YY1AP1: variants seen among roughly 807,000 people sequenced by gnomAD.
The protein encoded by YY1AP1 is YY1-associated protein 1.
Under a neutral mutation model 39.9 loss-of-function variants are expected in YY1AP1, and 43 were observed. The ratio of observed to expected loss-of-function variants is 1.08; its 90% CI spans 0.84 to 1.39. YY1AP1 has a LOEUF of 1.39. Among genes scored for constraint, YY1AP1 ranks in the 40% most tolerant of loss-of-function variants. The pLI is 0.00. For missense variants in YY1AP1, 813 were observed against 900.7 expected (o/e 0.90, Z 1.25); for synonymous variants, 292 against 331.3 (o/e 0.88, Z 1.29).
At chr1:155,672,816 C>T in intron 6 of YY1AP1, 85 bp from the exon 7 acceptor site, 11 of 1,583,762 alleles carry the variant, frequency 6.9e-6, no homozygotes, top group Non-Finnish European at 7.8e-6. Context: ...GAGAAGCTGA[C>T]CTTCCTACTA....
In YY1AP1 at chr1:155,670,408, C is replaced by T; in HGVS notation, c.640G>A (p.Val214Ile). Residue 214 changes from valine (V) to isoleucine (I), a missense_variant, in exon 8 of 11, where the codon GTT (valine) becomes ATT (isoleucine). Transcript: ENST00000355499. ...GGAAGTAACTCTGGATACATGAAAA[C>T]CTTGCTTGTGGCCAGGATCCAAGCC... ...QVAWILATSK[V>I]FMYPELLPVC... The T allele has an allele frequency of 6.2e-7, 1 of 1,614,122 alleles. No individual in the cohort carries two copies. The highest frequency in any genetic ancestry group is 8.5e-7 in the Non-Finnish European group (1 of 1,180,040).
chr1:155,681,032 A>ATTT (rs751422152), intron 2 of YY1AP1, among the ~76,000 whole-genome samples: 1 of 142,950 alleles, frequency 7.0e-6, no homozygotes, highest in Non-Finnish European at 1.5e-5. Flanking sequence ...GAGCTAGATG[A>ATTT]TTTTTTTTTT....
Position 155,688,732 on chromosome 1 carries a change from CCAACCGCCGCCAAAG to C in YY1AP1, c.-240_-226del, listed in dbSNP as rs1653144536. On this transcript the variant is annotated 5_prime_UTR_variant, in exon 1 of 11. Coordinates refer to ENST00000355499, the MANE Select transcript of YY1AP1 (RefSeq NM_139119.3). ...CCCTCCCTCCCCGCCCGCACGGCCA[CCAACCGCCGCCAAAG>C]CAGCCGCCGCCAGCACCCCCACCCT... The C allele has an allele frequency of 2.6e-6, 4 of 1,518,212 alleles. No homozygotes were observed. Among genetic ancestry groups the C allele is most frequent in the Non-Finnish European group, 3.5e-6 (4 of 1,139,844 alleles). The allele number at this position is 1,518,212 out of a possible 1,614,324, so 94.0% of individuals were successfully genotyped here. A position where few individuals can be genotyped will look rare whatever the true frequency, so the allele number is the denominator to read the frequency against.
chr1:155,676,090 C>T (rs941879681), intron 5 of YY1AP1, among the ~76,000 whole-genome samples: 1 of 152,026 alleles, frequency 6.6e-6, no homozygotes, highest in Non-Finnish European at 1.5e-5. Flanking sequence ...GGTGTGGTGG[C>T]GAGTCCCTGT....
chr1:155,662,217 T>C (rs533591428), intron 9 of YY1AP1, among the ~76,000 whole-genome samples: 1 of 151,858 alleles, frequency 6.6e-6, no homozygotes, highest in South Asian at 2.1e-4. Context: ...TAGGCTGGCC[T>C]TGGTGGCTCA....
chr1:155,672,857 A>G, intron 6 of YY1AP1, 126 bp from the exon 7 acceptor site: 1 of 1,295,868 alleles, frequency 7.7e-7, no homozygotes, highest in Non-Finnish European at 1.1e-6. Flanking sequence ...ATAATCATAA[A>G]GTCTTTCACA....
chr1:155,674,190 A>G (rs948561698), intron 6 of YY1AP1, among the ~76,000 whole-genome samples: 5 of 150,858 alleles, frequency 3.3e-5, no homozygotes, highest in African/African-American at 1.2e-4. Context: ...AAAAAAGCTC[A>G]AAATACCTCA....
Position 155,668,673 on chromosome 1 carries a change from C to G in YY1AP1, c.833G>C (p.Arg278Thr). 1 of 1,614,126 alleles carries G rather than the reference C, an allele frequency of 6.2e-7. No individual in the cohort carries two copies. The highest frequency in any genetic ancestry group is 8.5e-7 in the Non-Finnish European group (1 of 1,180,010). ...TCTGTTCATGTTGAGGTTCTTGATT[C>G]TCACTGTCAGTTGGCGGGCAGTCTT... ...TCKTARQLTV[R>T]IKNLNMNRAP... The change falls in exon 9 of 11, where the codon AGA (arginine) becomes ACA (threonine). Residue 278 changes from arginine to threonine, a missense_variant. Around this residue, in one of 3 missense-constraint regions of YY1AP1, gnomAD observed 586 missense variants for 647.4 expected, o/e 0.91. Coordinates refer to ENST00000355499, the MANE Select transcript of YY1AP1 (RefSeq NM_139119.3).
chr1:155,675,320 T>C (rs989000393), intron 5 of YY1AP1, among the ~76,000 whole-genome samples: 2 of 150,354 alleles, frequency 1.3e-5, no homozygotes, highest in African/African-American at 4.9e-5. Context: ...GCTAATTTAT[T>C]TTATTATTAT....
At chr1:155,680,568 T>A in intron 2 of YY1AP1, 112 bp from the exon 3 acceptor site, 1 of 880,682 alleles carries the variant, frequency 1.1e-6, no homozygotes, top group Non-Finnish European at 1.8e-6. Flanking sequence ...GAATTCTTCA[T>A]ATCTATCCTT....
intron 6 of YY1AP1, 46 bp downstream of exon 6, chr1:155,674,964 A>G (rs1190171185): frequency 6.5e-7 from 1 of 1,529,138 alleles, no homozygotes; most frequent in African/African-American, 1.4e-5. Flanking sequence ...CTGCCAAGCT[A>G]ATTTTATATT....
chr1:155,659,726 A>AG lies in YY1AP1; in HGVS notation c.2183dup (p.Gly729TrpfsTer12). On this transcript the variant is annotated frameshift_variant, in exon 11 of 11. Coordinates refer to ENST00000355499, the MANE Select transcript of YY1AP1 (RefSeq NM_139119.3). LOFTEE classifies it low-confidence loss of function (END_TRUNC). ...TCTTGACAACTTCCTCTAAATCCCC[A>AG]GGGGAAGAGTTGTTTAGAGACTCCT... 6.2e-7 allele frequency: 1 copy of AG among 1,614,198 alleles called. No individual in the cohort carries two copies. Among genetic ancestry groups the AG allele is most frequent in the South Asian group, 1.1e-5 (1 of 91,084 alleles).
chr1:155,685,551 A>G (rs764444190), intron 2 of YY1AP1, among the ~76,000 whole-genome samples: 3 of 152,212 alleles, frequency 2.0e-5, no homozygotes, highest in African/African-American at 7.2e-5. Context: ...CTTGTGCGAC[A>G]TTAGCTTCCC....
chr1:155,670,338 A>T lies in YY1AP1; in HGVS notation c.710T>A (p.Phe237Tyr). 1 of 1,612,428 alleles carries T rather than the reference A, an allele frequency of 6.2e-7. No homozygotes were observed. The highest frequency in any genetic ancestry group is 8.5e-7 in the Non-Finnish European group (1 of 1,179,888). Residue 237 changes from phenylalanine (F) to tyrosine (Y), a missense_variant, in exon 8 of 11, where the codon TTC becomes TAC. Phe to Tyr is a conservative substitution (Grantham distance 22). Coordinates refer to ENST00000355499, the MANE Select transcript of YY1AP1 (RefSeq NM_139119.3). ...CACTTACTTGTCCTCAGCCTTGGTGAAGAGGATCTTATCCTGGGGATTCTT... is the reference window on the plus strand; with the variant it reads ...CACTTACTTGTCCTCAGCCTTGGTGTAGAGGATCTTATCCTGGGGATTCTT... ...KAKNPQDKIL[F>Y]TKAEDNLLAL...
At chr1:155,681,470 C>T (rs1459696050) in intron 2 of YY1AP1, among the ~76,000 whole-genome samples, 1 of 152,232 alleles carries the variant, frequency 6.6e-6, no homozygotes, top group East Asian at 1.9e-4. Context: ...TGCATATAGT[C>T]CCATATACTT....
At position 155,659,614 on chromosome 1, in the gene YY1AP1, C is replaced by G. The variant is rs1051657149; in HGVS notation, c.*43G>C. 5.6e-6 allele frequency: 9 copies of G among 1,608,248 alleles called. No individual in the cohort carries two copies. Among genetic ancestry groups the G allele is most frequent in the Non-Finnish European group, 7.6e-6 (9 of 1,176,926 alleles). On this transcript the variant is annotated 3_prime_UTR_variant, in exon 11 of 11. Transcript: ENST00000355499. ...CACCCTATGCGCCACCAATCGGAGG[C>G]CGAAGTGAAGGCTCCCAGTCTCCAG...
chr1:155,683,663 A>C lies in YY1AP1; in HGVS notation c.-20-3207T>G, dbSNP rs979326985. On this transcript the variant is annotated intron_variant, in intron 2 of 10. Transcript: ENST00000355499. ...AGAGCAAGACTCCATCTCAAAAAAA[A>C]CAAAACAAAACAAAAAAAACAACAA... is the stretch of plus-strand genomic sequence containing the variant. 5.3e-5 allele frequency among the ~76,000 whole-genome samples: 8 copies of C among 152,018 alleles called. No individual in the cohort carries two copies. The South Asian group carries it at 8.3e-4, about 16-fold the overall frequency.
intron 1 of YY1AP1, 118 bp from the exon 2 acceptor site, chr1:155,688,319 T>TGGCGGC: frequency 2.6e-6 from 4 of 1,557,606 alleles, no homozygotes; most frequent in Non-Finnish European, 3.5e-6. Flanking sequence ...GAACCCAAAA[T>TGGCGGC]GGCGGCGGCA....
chr1:155,687,821 G>A (rs1299168359), intron 2 of YY1AP1: 3 of 464,638 alleles, frequency 6.5e-6, no homozygotes, highest in Admixed American at 3.7e-5. Context: ...GGGCACAGCC[G>A]ACTCCGCCTC....
Sources: gnomAD v4.1 joint callset for allele counts (sites outside exome capture counted in the v4.1 genomes callset) on GRCh38, gnomAD v4.1.1 for gene constraint, gnomAD v4.1.1 regional missense constraint, MANE v1.5 for transcripts, NCBI Gene and HGNC (gene_info 2026-07-23, HGNC 2026-07-21) for gene names.